ATP13A5: variants seen among roughly 807,000 people sequenced by gnomAD.
The protein encoded by ATP13A5 is ATPase 13A5, also known as probable cation-transporting ATPase 13A5.
Under a neutral mutation model 150.2 loss-of-function variants are expected in ATP13A5, and 149 were observed. The observed-to-expected ratio is 0.99, with a 90% confidence interval of 0.87 to 1.14. ATP13A5 has a LOEUF of 1.14. ATP13A5 is among the 50% of genes most tolerant of loss of function. The probability of loss-of-function intolerance (pLI) is 0.00; values close to 1 mark genes in which losing one functional copy is unlikely to be tolerated. For missense variants in ATP13A5, 1,383 were observed against 1,449.3 expected, an observed-to-expected ratio of 0.95 and a Z score of 0.74; for synonymous variants, 497 against 522.2, an observed-to-expected ratio of 0.95 and a Z score of 0.66.
At chr3:193,316,762 A>T (rs1014334295) in intron 17 of ATP13A5, among the ~76,000 whole-genome samples, 2 of 152,144 alleles carry the variant, frequency 1.3e-5, no homozygotes, top group Admixed American at 1.3e-4. Context: ...CTGCCATTTT[A>T]TAGGTTGCTA....
chr3:193,289,121 G>A (rs903343767), intron 26 of ATP13A5, among the ~76,000 whole-genome samples: 1 of 152,124 alleles, frequency 6.6e-6, no homozygotes, highest in African/African-American at 2.4e-5. Flanking sequence ...GGTGCTCTGT[G>A]GAGTGAGGGG....
intron 1 of ATP13A5, among the ~76,000 whole-genome samples, chr3:193,374,196 T>G (rs1258055534): frequency 1.3e-5 from 2 of 151,904 alleles, no homozygotes; most frequent in Non-Finnish European, 1.5e-5. Context: ...AATGATAAAA[T>G]AATACCTATC....
At chr3:193,349,943 T>C (rs1237233886) in intron 7 of ATP13A5, among the ~76,000 whole-genome samples, 1 of 152,108 alleles carries the variant, frequency 6.6e-6, no homozygotes, top group African/African-American at 2.4e-5. Context: ...ACGCCCATAC[T>C]GTAGTAGTAA....
rs565671019 is a variant in ATP13A5 at position 193,290,029 on chromosome 3, G to A, written c.2879C>T (p.Ala960Val). ...MSSTHAYPKL[A>V]PYRPAGQLLS... ...GAGCTGTCCTGCTGGTCTATATGGAGCCAGCTTTGGGTAGGCATGAGTTGA... is the reference window on the plus strand; with the variant it reads ...GAGCTGTCCTGCTGGTCTATATGGAACCAGCTTTGGGTAGGCATGAGTTGA... Residue 960 changes from alanine to valine, a missense_variant, in exon 26 of 30, where the codon GCT becomes GTT. Coordinates refer to ENST00000342358, the MANE Select transcript of ATP13A5 (RefSeq NM_198505.4). The A allele has an allele frequency of 1.2e-6, 2 of 1,610,604 alleles. No individual in the cohort carries two copies. Among genetic ancestry groups the A allele is most frequent in the South Asian group, 1.1e-5 (1 of 90,272 alleles).
In ATP13A5 at chr3:193,334,921, C is replaced by T. The variant is rs1711790509; in HGVS notation, c.1114+8G>A. 3 of 1,610,870 alleles carry T rather than the reference C, an allele frequency of 1.9e-6. No homozygotes were observed. Among genetic ancestry groups the T allele is most frequent in the Non-Finnish European group, 2.5e-6 (3 of 1,178,008 alleles). On this transcript the variant is annotated splice_region_variant and intron_variant, in intron 10 of 29. Transcript: ENST00000342358. The stretch of plus-strand genomic sequence containing the variant: ...TGAATTAAACTTACAAAAGTGGAAT[C>T]CACTAACCTGTTTGCAAAACGACTG...
intron 23 of ATP13A5, among the ~76,000 whole-genome samples, chr3:193,303,566 A>G (rs1387523028): frequency 2.0e-5 from 3 of 152,088 alleles, no homozygotes; most frequent in Non-Finnish European, 2.9e-5. Context: ...ATATGTATAT[A>G]TGTAAAGGAG....
Position 193,274,970 on chromosome 3 carries a change from A to G in ATP13A5, c.*72T>C. 1 of 1,557,012 alleles carries G rather than the reference A, an allele frequency of 6.4e-7. No homozygotes were observed. Among genetic ancestry groups the G allele is most frequent in the South Asian group, 1.2e-5 (1 of 83,448 alleles). Reference sequence around the variant, plus strand: ...AGAGGAAAGGTAAGGGGAGAGTATCATCACTTCTCCACAATGTGTTAATTT... The same window carrying G: ...AGAGGAAAGGTAAGGGGAGAGTATCGTCACTTCTCCACAATGTGTTAATTT... On this transcript the variant is annotated 3_prime_UTR_variant, in exon 30 of 30. Transcript: ENST00000342358.
intron 16 of ATP13A5, 47 bp downstream of exon 16, chr3:193,321,634 G>A: frequency 6.3e-7 from 1 of 1,598,428 alleles, no homozygotes; most frequent in Non-Finnish European, 8.5e-7. Flanking sequence ...CTGTCTCAAA[G>A]AAAAAACAAA....
At chr3:193,329,467 G>GT (rs1711547625) in intron 12 of ATP13A5, among the ~76,000 whole-genome samples, 1 of 40,708 alleles carries the variant, frequency 2.5e-5, no homozygotes, top group African/African-American at 1.4e-4. Context: ...AACAGCCTCG[G>GT]GAAAATTAAT....
chr3:193,301,007 C>T (rs569029725), intron 24 of ATP13A5, among the ~76,000 whole-genome samples: 1 of 152,276 alleles, frequency 6.6e-6, no homozygotes, highest in African/African-American at 2.4e-5. Context: ...AAAAACAACA[C>T]ACTAGAAAAC....
At chr3:193,376,599 A>T (rs1237114700) in intron 1 of ATP13A5, among the ~76,000 whole-genome samples, 1 of 152,134 alleles carries the variant, frequency 6.6e-6, no homozygotes, top group African/African-American at 2.4e-5. Context: ...TACTTAGGTA[A>T]AAGTGTGCCA....
Position 193,310,700 on chromosome 3 carries a change from T to C in ATP13A5, c.2463A>G (p.Thr821=), listed in dbSNP as rs745477627. Residue 821 remains threonine, a synonymous_variant, in exon 21 of 30, where the codon ACA becomes ACG. Transcript: ENST00000342358. ...GCCCAGGAGACATTCTTGCAAAAAC[T>C]GTTCCATTCACCAGAATCTAAAAAG... The part of the protein sequence containing the change: ...SLLPKILVNG[T]VFARMSPGQK... 3 of 1,607,558 alleles carry C rather than the reference T, an allele frequency of 1.9e-6. No homozygotes were observed. Among genetic ancestry groups the C allele is most frequent in the Non-Finnish European group, 1.7e-6 (2 of 1,178,408 alleles).
intron 1 of ATP13A5, among the ~76,000 whole-genome samples, chr3:193,368,294 A>G (rs1167075002): frequency 6.6e-6 from 1 of 152,196 alleles, no homozygotes; most frequent in African/African-American, 2.4e-5. Flanking sequence ...TGAAAAGTAC[A>G]TATCATCGCC....
chr3:193,344,096 C>T (rs1451513880), intron 8 of ATP13A5, 41 bp from the exon 9 acceptor site: 1 of 1,597,530 alleles, frequency 6.3e-7, no homozygotes. Flanking sequence ...TGACCTTTTC[C>T]TGTTTTTACT....
chr3:193,371,081 G>A (rs4687413), intron 1 of ATP13A5, among the ~76,000 whole-genome samples: 143,153 of 152,238 alleles, frequency 0.94, 67,361 homozygotes, highest in East Asian at 0.97. Flanking sequence ...GCAGAGAGCT[G>A]TAAGTGTGGG....
intron 5 of ATP13A5, among the ~76,000 whole-genome samples, chr3:193,356,781 C>T (rs1712808293): frequency 6.6e-6 from 1 of 152,108 alleles, no homozygotes; most frequent in Admixed American, 6.6e-5. Flanking sequence ...CCTCTAGTTT[C>T]CTAGAGTCCC....
At chr3:193,308,358 C>T (rs1718700405) in intron 21 of ATP13A5, among the ~76,000 whole-genome samples, 1 of 152,066 alleles carries the variant, frequency 6.6e-6, no homozygotes, top group Non-Finnish European at 1.5e-5. Context: ...ACTTGGGAGG[C>T]TGAGGCAGGG....
intron 13 of ATP13A5, among the ~76,000 whole-genome samples, chr3:193,325,227 C>T (rs527384879): frequency 1.3e-5 from 2 of 152,298 alleles, no homozygotes; most frequent in African/African-American, 4.8e-5. Context: ...GTGTCCACTC[C>T]TACTAATGTC....
chr3:193,352,133 A>G (rs1170348081), intron 6 of ATP13A5, among the ~76,000 whole-genome samples: 1 of 152,234 alleles, frequency 6.6e-6, no homozygotes, highest in Non-Finnish European at 1.5e-5. Flanking sequence ...TAATTCCCTT[A>G]TGTACTAAAT....
Sources: allele counts gnomAD v4.1 joint callset (sites outside exome capture counted in the v4.1 genomes callset), GRCh38; gene constraint gnomAD v4.1.1; transcripts MANE v1.5; gene names NCBI Gene and HGNC (gene_info 2026-07-23, HGNC 2026-07-21).